Variants in BANK1 observed in about 807,000 individuals in gnomAD.
BANK1 encodes the protein B-cell scaffold protein with ankyrin repeats.
A neutral mutation model predicts 94.5 loss-of-function variants in BANK1; 95 were observed. The ratio of observed to expected loss-of-function variants is 1.00; its 90% CI spans 0.85 to 1.19. The LOEUF (loss-of-function observed/expected upper bound fraction) is 1.19. Among genes scored for constraint, BANK1 ranks in the 50% most tolerant of loss-of-function variants. The pLI, the probability that BANK1 is intolerant of heterozygous loss-of-function variation, is 0.00. For missense variants in BANK1, 987 were observed against 932.2 expected (o/e 1.06, Z -0.77); for synonymous variants, 334 against 308.4 (o/e 1.08, Z -0.87).
At chr4:101,817,717 G>A (rs781631380) in intron 1 of BANK1, among the ~76,000 whole-genome samples, 13 of 152,054 alleles carry the variant, frequency 8.5e-5, no homozygotes, top group African/African-American at 1.4e-4. Flanking sequence ...ATTGTCTTTC[G>A]GTATACAGGG....
intron 3 of BANK1, among the ~76,000 whole-genome samples, 189 bp from the exon 4 acceptor site, chr4:101,862,337 T>TA (rs776607016): frequency 2.0e-5 from 3 of 152,098 alleles, no homozygotes; most frequent in Non-Finnish European, 4.4e-5. Context: ...AAAAGAAATT[T>TA]GATACTATTT....
intron 13 of BANK1, among the ~76,000 whole-genome samples, chr4:102,070,523 C>G (rs905726307): frequency 2.6e-5 from 4 of 152,174 alleles, no homozygotes; most frequent in African/African-American, 9.7e-5. Context: ...GTGTTTTTAT[C>G]TGATTGGGAA....
At chr4:102,015,448 G>A (rs535095873) in intron 7 of BANK1, among the ~76,000 whole-genome samples, 4 of 152,206 alleles carry the variant, frequency 2.6e-5, no homozygotes, top group South Asian at 4.1e-4. Context: ...CCATTTTATA[G>A]TTACATCCCC....
chr4:102,071,165 A>G (rs900725732), intron 13 of BANK1, 110 bp from the exon 14 acceptor site: 23 of 1,245,328 alleles, frequency 1.8e-5, no homozygotes, highest in Non-Finnish European at 2.7e-5. Flanking sequence ...GTGAGATTTC[A>G]TAGCAACCTC....
chr4:102,071,870 C>CACTG (rs371706948), intron 14 of BANK1, among the ~76,000 whole-genome samples: 3 of 152,280 alleles, frequency 2.0e-5, no homozygotes, highest in African/African-American at 7.2e-5. Flanking sequence ...TGGACCAAAC[C>CACTG]ACTGACTGTG....
At chr4:102,003,945 A>G (rs181571657) in intron 7 of BANK1, among the ~76,000 whole-genome samples, 1 of 151,308 alleles carries the variant, frequency 6.6e-6, no homozygotes, top group Non-Finnish European at 1.5e-5. Flanking sequence ...ATATACGTAT[A>G]TATACACACA....
At chr4:101,857,215 A>T (rs779303174) in intron 3 of BANK1, among the ~76,000 whole-genome samples, 2 of 152,214 alleles carry the variant, frequency 1.3e-5, no homozygotes, top group Non-Finnish European at 2.9e-5. Flanking sequence ...ATCCTAAAAA[A>T]TCTAGAAATT....
chr4:102,052,830 A>G (rs12649238), intron 11 of BANK1, among the ~76,000 whole-genome samples: 1 of 152,058 alleles, frequency 6.6e-6, no homozygotes, highest in African/African-American at 2.4e-5. Flanking sequence ...TCATAAACAA[A>G]TGGAAAATAT....
intron 6 of BANK1, among the ~76,000 whole-genome samples, chr4:101,914,800 C>G (rs1157277116): frequency 6.6e-6 from 1 of 152,158 alleles, no homozygotes; most frequent in Non-Finnish European, 1.5e-5. Flanking sequence ...CCACTGCTTT[C>G]AAGTGCTTAG....
intron 7 of BANK1, among the ~76,000 whole-genome samples, chr4:101,941,859 A>G (rs750744967): frequency 6.6e-6 from 1 of 151,732 alleles, no homozygotes; most frequent in East Asian, 1.9e-4. Context: ...TTTCTTCACC[A>G]TTGACTTTCC....
At chr4:101,920,288 T>G (rs1346602927) in intron 7 of BANK1, among the ~76,000 whole-genome samples, 3 of 151,910 alleles carry the variant, frequency 2.0e-5, no homozygotes, top group Admixed American at 2.0e-4. Flanking sequence ...AGTTAATGGG[T>G]GCAGCACACC....
chr4:101,832,681 C>G (rs1055598927), intron 2 of BANK1, among the ~76,000 whole-genome samples: 2 of 152,196 alleles, frequency 1.3e-5, no homozygotes, highest in African/African-American at 2.4e-5. Context: ...ACTCACCTCT[C>G]TCTAACTTCT....
intron 2 of BANK1, among the ~76,000 whole-genome samples, chr4:101,849,660 T>G (rs1727399344): frequency 6.6e-6 from 1 of 151,954 alleles, no homozygotes; most frequent in Non-Finnish European, 1.5e-5. Flanking sequence ...ACAATAAAAT[T>G]TGTGTGTGTG....
At chr4:101,972,424 T>C (rs902389956) in intron 7 of BANK1, 2 of 152,100 alleles carry the variant, frequency 1.3e-5, no homozygotes, top group Admixed American at 6.6e-5. Context: ...CAGAGAGTCT[T>C]TACTCTAAAG....
chr4:101,841,902 T>G (rs1727060859), intron 2 of BANK1, among the ~76,000 whole-genome samples: 1 of 151,546 alleles, frequency 6.6e-6, no homozygotes, highest in Non-Finnish European at 1.5e-5. Context: ...TAATCTTAAT[T>G]ACACAGAATT....
At chr4:101,982,266 T>G (rs1327513174) in intron 7 of BANK1, among the ~76,000 whole-genome samples, 3 of 151,424 alleles carry the variant, frequency 2.0e-5, no homozygotes, top group Non-Finnish European at 4.4e-5. Context: ...ATCTATATAA[T>G]AAAAACATAT....
intron 7 of BANK1, among the ~76,000 whole-genome samples, chr4:101,973,098 A>AC (rs1218884609): frequency 3.3e-5 from 5 of 152,002 alleles, no homozygotes; most frequent in African/African-American, 9.7e-5. Context: ...AAATATAGTT[A>AC]ATAATAGAGT....
intron 7 of BANK1, among the ~76,000 whole-genome samples, chr4:101,925,358 A>G (rs1723121139): frequency 6.6e-6 from 1 of 151,716 alleles, no homozygotes; most frequent in South Asian, 2.1e-4. Context: ...CAAATGCCAT[A>G]GCTGCTATGA....
Position 101,845,123 on chromosome 4 carries a change from T to G in BANK1, c.470-9912T>G, listed in dbSNP as rs1578352054. On this transcript the variant is annotated intron_variant, in intron 2 of 16. Coordinates refer to ENST00000322953, the MANE Select transcript of BANK1 (RefSeq NM_017935.5). ...GTTTCAAAATCATTTTACCTAGTCA[T>G]ATGAAAATATGAAACTAAATACTAT... 2.0e-5 allele frequency among the ~76,000 whole-genome samples: 3 copies of G among 152,248 alleles called. No individual in the cohort carries two copies. In the East Asian group the frequency reaches 5.8e-4, roughly 29 times the overall value.
Sources: gnomAD v4.1 joint callset for allele counts (sites outside exome capture counted in the v4.1 genomes callset) on GRCh38, gnomAD v4.1.1 for gene constraint, MANE v1.5 for transcripts, NCBI Gene and HGNC (gene_info 2026-07-23, HGNC 2026-07-21) for gene names.